The following ASB14 variants were observed in gnomAD, a reference collection of about 807,000 sequenced individuals.
ASB14 encodes ankyrin repeat and SOCS box containing 14.
A neutral mutation model predicts 55.6 loss-of-function variants in ASB14; 63 were observed. The observed-to-expected ratio is 1.13, with a 90% CI of 0.92 to 1.40. ASB14 has a LOEUF of 1.40. ASB14 is among the 40% of genes most tolerant of loss of function. The pLI is 0.00. For missense variants in ASB14, 724 were observed against 710.4 expected, an observed-to-expected ratio of 1.02 and a Z score of -0.22; for synonymous variants, 256 against 259.9, an observed-to-expected ratio of 0.98 and a Z score of 0.15.
chr3:57,270,632 T>G (rs1419923212), intron 10 of ASB14: 2 of 152,632 alleles, frequency 1.3e-5, no homozygotes, highest in African/African-American at 4.8e-5. Context: ...TCCCAGAGTT[T>G]AGTTTAGAAA....
chr3:57,284,827 T>C (rs1309921404), intron 5 of ASB14, among the ~76,000 whole-genome samples: 2 of 152,184 alleles, frequency 1.3e-5, no homozygotes, highest in African/African-American at 4.8e-5. Context: ...GCTTTTCTGC[T>C]CAGTGTTTTC....
In ASB14 at chr3:57,268,466, TAAAC is replaced by T; in HGVS notation, c.*1171_*1174del. 6.2e-7 allele frequency: 1 copy of T among 1,604,674 alleles called. No individual in the cohort carries two copies. The highest frequency in any genetic ancestry group is 1.1e-5 in the South Asian group (1 of 90,214). On this transcript the variant is annotated 3_prime_UTR_variant, in exon 11 of 11. Transcript: ENST00000487349. ...AAGAGAAGCAACAGAAAGAACTCAA[TAAAC>T]AAAAACAGATTGAAAAGGTATACAG...
chr3:57,279,264 C>CTTTTTTTTTTTTTTTTTTTTTTTTTT (rs869152915), intron 7 of ASB14, among the ~76,000 whole-genome samples: 1 of 88,030 alleles, frequency 1.1e-5, no homozygotes, highest in Non-Finnish European at 2.2e-5. Flanking sequence ...AAGAGTTTTT[C>CTTTTTTTTTTTTTTTTTTTTTTTTTT]TTTTTTTTTT....
Position 57,269,556 on chromosome 3 carries a change from A to G in ASB14, c.*85T>C. 2 of 1,613,956 alleles carry G rather than the reference A, an allele frequency of 1.2e-6. No homozygotes were observed. The highest frequency in any genetic ancestry group is 1.7e-6 in the Non-Finnish European group (2 of 1,179,942). On this transcript the variant is annotated 3_prime_UTR_variant, in exon 11 of 11. Transcript: ENST00000487349. ...TTTCCACTAGGACTTGGAAGAACAAAGTCGGTTGATAGCTGCTTCCAGTAG... is the reference window on the plus strand; with the variant it reads ...TTTCCACTAGGACTTGGAAGAACAAGGTCGGTTGATAGCTGCTTCCAGTAG...
Position 57,283,533 on chromosome 3 carries a change from C to A in ASB14, c.470-94G>T, listed in dbSNP as rs1002976277. 23 of 1,309,160 alleles carry A rather than the reference C, an allele frequency of 1.8e-5. No individual in the cohort carries two copies. The African/African-American group carries it at 3.2e-4, about 18-fold the overall frequency. 81.1% of individuals were successfully genotyped at this position (1,309,160 alleles called of 1,614,324 possible). On this transcript the variant is annotated intron_variant, in intron 5 of 10. Transcript: ENST00000487349. ...ATCCCTCAGGCTTTCTTAAGGAGTT[C>A]TTCCCACCCACTCCCAGACCCGAAC...
intron 5 of ASB14, among the ~76,000 whole-genome samples, chr3:57,286,454 G>A (rs12487501): frequency 0.11 from 15,966 of 141,630 alleles, 1,376 homozygotes; most frequent in East Asian, 0.38. Flanking sequence ...CTAATAATTG[G>A]CTTTTCTGCA....
In ASB14 at chr3:57,276,425, T is replaced by TA; in HGVS notation, c.*22+102_*22+103insT. On this transcript the variant is annotated intron_variant, in intron 10 of 10. Coordinates refer to ENST00000487349, the MANE Select transcript of ASB14 (RefSeq NM_001142733.3). ...CTCAGCCTCCCAAGCAGAGCTACTT[T>TA]TTAAAGGACTTAGACTGCATTGAGA... 3.6e-6 allele frequency: 3 copies of TA among 832,144 alleles called. No individual in the cohort carries two copies. In the South Asian group the frequency reaches 6.6e-5, roughly 18 times the overall value. 51.5% of individuals were successfully genotyped at this position (832,144 alleles called of 1,614,324 possible). A position where few individuals can be genotyped will look rare whatever the true frequency, so the allele number is the denominator to read the frequency against.
At chr3:57,286,085 GTA>G (rs2061078900) in intron 5 of ASB14, among the ~76,000 whole-genome samples, 1 of 152,162 alleles carries the variant, frequency 6.6e-6, no homozygotes, top group Non-Finnish European at 1.5e-5. Flanking sequence ...TAAGTTGGAA[GTA>G]TTTTTTCCTC....
In ASB14 at chr3:57,277,841, T is replaced by G; in HGVS notation, c.1511A>C (p.Gln504Pro). Residue 504 changes from glutamine to proline, a missense_variant, in exon 9 of 11, where the codon CAA becomes CCA. Transcript: ENST00000487349. ...TTTCAACTTTGAACAGATCCGAACTTGATCAACATAATCAAGCATCACTCG... is the reference window on the plus strand; with the variant it reads ...TTTCAACTTTGAACAGATCCGAACTGGATCAACATAATCAAGCATCACTCG... The part of the protein sequence containing the change: ...VVRVMLDYVD[Q>P]VRICSKLKAV... The G allele has an allele frequency of 6.2e-7, 1 of 1,613,968 alleles. No homozygotes were observed.
At chr3:57,271,076 C>T (rs1183528135) in intron 10 of ASB14, 3 of 151,818 alleles carry the variant, frequency 2.0e-5, no homozygotes, top group African/African-American at 7.3e-5. Flanking sequence ...CACACATTTA[C>T]AAATTTTTCA....
At chr3:57,289,247 A>G in intron 2 of ASB14, 124 bp from the exon 3 acceptor site, 1 of 659,298 alleles carries the variant, frequency 1.5e-6, no homozygotes, top group Non-Finnish European at 2.6e-6. Context: ...CATAGGAGGC[A>G]ATGACTGAGG....
rs1177311348 is a variant in ASB14, at chr3:57,280,163, C to CAGA, written c.887+138_887+139insTCT. The CAGA allele has an allele frequency of 1.5e-5, 3 of 200,740 alleles. No homozygotes were observed. In the African/African-American group the frequency reaches 1.5e-4, roughly 10 times the overall value. The allele number at this position is 200,740 out of a possible 1,614,324, so 12.4% of individuals were successfully genotyped here. A position where few individuals can be genotyped will look rare whatever the true frequency, so the allele number is the denominator to read the frequency against. On this transcript the variant is annotated intron_variant, in intron 7 of 10. Coordinates refer to ENST00000487349, the MANE Select transcript of ASB14 (RefSeq NM_001142733.3). ...CTGGCGACAGAGGGAGACAGCATCTCAAAAAAAAAAAAAAAAAAAAAAAGT... is the reference window on the plus strand; with the variant it reads ...CTGGCGACAGAGGGAGACAGCATCTCAGAAAAAAAAAAAAAAAAAAAAAAAAGT...
intron 9 of ASB14, among the ~76,000 whole-genome samples, chr3:57,277,249 A>ACAGT (rs10663073): frequency 0.7 from 103,373 of 147,912 alleles, 36,962 homozygotes; most frequent in East Asian, 0.92. Context: ...CCTGGTTGAC[A>ACAGT]CAGACTCTGT....
Position 57,278,550 on chromosome 3 carries a change from G to A in ASB14, c.1258C>T (p.Pro420Ser). 1 of 1,614,172 alleles carries A rather than the reference G, an allele frequency of 6.2e-7. No homozygotes were observed. The highest frequency in any genetic ancestry group is 8.5e-7 in the Non-Finnish European group (1 of 1,180,042). Residue 420 changes from proline (P) to serine (S), a missense_variant, in exon 8 of 11, where the codon CCT (proline) becomes TCT (serine). Transcript: ENST00000487349. ...ANVNYFCRVN[P>S]LHFPSALQYT... ...TGCAGTGCTGATGGGAAATGTAAAG[G>A]GTTAACTCTGCAGAAGTAATTGACA... is the stretch of plus-strand genomic sequence containing the variant.
intron 5 of ASB14, among the ~76,000 whole-genome samples, chr3:57,285,632 T>C (rs771429661): frequency 6.6e-5 from 10 of 152,206 alleles, no homozygotes; most frequent in Non-Finnish European, 1.3e-4. Context: ...CATCTTTTTG[T>C]TTTCCCTGGA....
Position 57,269,303 on chromosome 3 carries a change from T to G in ASB14, c.*338A>C. 1 of 414,866 alleles carries G rather than the reference T, an allele frequency of 2.4e-6. No individual in the cohort carries two copies. The highest frequency in any genetic ancestry group is 4.3e-6 in the Non-Finnish European group (1 of 232,762). The allele number at this position is 414,866 out of a possible 1,614,324, so 25.7% of individuals were successfully genotyped here. On this transcript the variant is annotated 3_prime_UTR_variant, in exon 11 of 11. Coordinates refer to ENST00000487349, the MANE Select transcript of ASB14 (RefSeq NM_001142733.3). ...ATGGGCTTTATTTGGTTGTTGGTCA[T>G]AAAAAAAGAAAGATAAAATATTAGA... is the stretch of plus-strand genomic sequence containing the variant.
chr3:57,269,372 A>G lies in ASB14; in HGVS notation c.*269T>C. 1.8e-6 allele frequency: 1 copy of G among 559,622 alleles called. No homozygotes were observed. The highest frequency in any genetic ancestry group is 2.9e-6 in the Non-Finnish European group (1 of 339,964). 34.7% of individuals were successfully genotyped at this position (559,622 alleles called of 1,614,324 possible). A position where few individuals can be genotyped will look rare whatever the true frequency, so the allele number is the denominator to read the frequency against. ...CTTTTATAGGATGGTGCCAAAATTC[A>G]TTTTGGTGTTGTATTGTTTGGGTGT... On this transcript the variant is annotated 3_prime_UTR_variant, in exon 11 of 11. Transcript: ENST00000487349.
intron 5 of ASB14, among the ~76,000 whole-genome samples, chr3:57,284,545 C>T (rs2061065421): frequency 1.3e-5 from 2 of 152,164 alleles, no homozygotes; most frequent in Admixed American, 1.3e-4. Flanking sequence ...TTTCCATGAC[C>T]TATCAATAGG....
chr3:57,275,616 G>A (rs1256100227), intron 10 of ASB14, among the ~76,000 whole-genome samples: 1 of 152,074 alleles, frequency 6.6e-6, no homozygotes, highest in African/African-American at 2.4e-5. Flanking sequence ...CACACTGTAG[G>A]GCATGCATGT....
Sources: allele counts gnomAD v4.1 joint callset (sites outside exome capture counted in the v4.1 genomes callset), GRCh38; gene constraint gnomAD v4.1.1; transcripts MANE v1.5; gene names NCBI Gene and HGNC (gene_info 2026-07-23, HGNC 2026-07-21).